The following MYO16 variants were observed in gnomAD, a reference collection of about 807,000 sequenced individuals.
MYO16 encodes the protein myosin XVI.
MYO16 carries 94 observed loss-of-function variants against 205.3 expected under a neutral mutation model. That is an observed-to-expected ratio of 0.46 (90% CI 0.39 to 0.54). The LOEUF is 0.54. MYO16 is among the 20% of genes least tolerant of loss of function. MYO16 has a pLI of 0.00. For missense variants in MYO16, 2,315 were observed against 2,387.5 expected (o/e 0.97, Z 0.63); for synonymous variants, 988 against 954.0 (o/e 1.04, Z -0.66).
rs186707533 is a variant in MYO16, at chr13:109,114,764, C to T, written c.3439-5606C>T. Among the ~76,000 whole-genome samples the T allele has an allele frequency of 9.9e-5, 15 of 152,238 alleles. No homozygotes were observed. The East Asian group carries it at 2.9e-3, about 29-fold the overall frequency. On this transcript the variant is annotated intron_variant, in intron 28 of 34. Transcript: ENST00000457511. ...TGTCCTTCTTCTGTCAAAGCAGAACCATGTGACCTGAGCTTTCTCCTTTAC... is the reference window on the plus strand; with the variant it reads ...TGTCCTTCTTCTGTCAAAGCAGAACTATGTGACCTGAGCTTTCTCCTTTAC...
intron 12 of MYO16, among the ~76,000 whole-genome samples, chr13:108,882,061 C>T (rs549878123): frequency 2.6e-5 from 4 of 152,244 alleles, no homozygotes; most frequent in African/African-American, 9.6e-5. Flanking sequence ...GTCAGTTTGC[C>T]CACAAAGAGA....
intron 16 of MYO16, among the ~76,000 whole-genome samples, chr13:108,916,649 C>A (rs1342632194): frequency 6.6e-6 from 1 of 152,054 alleles, no homozygotes; most frequent in Non-Finnish European, 1.5e-5. Context: ...CTTTTGTTAC[C>A]CTAGGTGGAC....
chr13:108,765,677 C>T (rs1199199609), intron 4 of MYO16, among the ~76,000 whole-genome samples: 1 of 152,214 alleles, frequency 6.6e-6, no homozygotes, highest in Admixed American at 6.5e-5. Context: ...CCATCCTCCC[C>T]TTTTCACCAT....
Position 108,876,482 on chromosome 13 carries a change from A to G in MYO16, c.1426-6577A>G, listed in dbSNP as rs725674. ...ACATATTGTTCTATAAACATAGGGT[A>G]AGTACCACTTCAACTTCAACCTACT... On this transcript the variant is annotated intron_variant, in intron 12 of 34. Transcript: ENST00000457511. 0.021 allele frequency among the ~76,000 whole-genome samples: 3,186 copies of G among 152,290 alleles called. 211 individuals carry two copies. In the East Asian group the frequency reaches 0.22, roughly 10 times the overall value.
chr13:109,007,836 C>T (rs1317161405), intron 21 of MYO16, among the ~76,000 whole-genome samples: 3 of 151,990 alleles, frequency 2.0e-5, no homozygotes, highest in Non-Finnish European at 2.9e-5. Context: ...AATGATTTGA[C>T]TGTTGATTAC....
chr13:109,141,159 G>A lies in MYO16; in HGVS notation c.4947G>A (p.Gly1649=). Residue 1649 remains glycine, a synonymous_variant, in exon 32 of 35, where the codon GGG becomes GGA. Coordinates refer to ENST00000457511, the MANE Select transcript of MYO16 (RefSeq NM_001198950.3). The surrounding 1 kb of genome is among the most constrained non-coding windows in gnomAD (Gnocchi z 4.1). ...HPKPNSAPVA[G]PCSSFPKIPY... is the part of the protein sequence containing the mutation. ...AGCCAAACTCTGCCCCCGTGGCCGG[G>A]CCCTGCAGCTCCTTCCCCAAGATCC... is the stretch of plus-strand genomic sequence containing the variant. 1.2e-6 allele frequency: 2 copies of A among 1,605,660 alleles called. No individual in the cohort carries two copies. Among genetic ancestry groups the A allele is most frequent in the Non-Finnish European group, 1.7e-6 (2 of 1,176,102 alleles).
intron 16 of MYO16, among the ~76,000 whole-genome samples, chr13:108,934,180 A>G (rs559297069): frequency 6.6e-6 from 1 of 152,336 alleles, no homozygotes; most frequent in South Asian, 2.1e-4. Context: ...ACTGCTTTCC[A>G]CAGTGGCTGA....
chr13:108,598,334 C>G (rs1317331432), intron 1 of MYO16, among the ~76,000 whole-genome samples: 2 of 147,176 alleles, frequency 1.4e-5, no homozygotes, highest in Non-Finnish European at 3.0e-5. Context: ...GACAGACAGA[C>G]AGAGAGACAA....
At chr13:108,519,075 A>G in the MYO16 span, among the ~76,000 whole-genome samples, 28 of 152,184 alleles carry the variant, frequency 1.8e-4, no homozygotes, top group African/African-American at 6.8e-4. Flanking sequence ...AAATAGAAAA[A>G]AAAAGAAATT....
chr13:108,950,433 T>C (rs1883099779), intron 16 of MYO16, among the ~76,000 whole-genome samples: 2 of 152,124 alleles, frequency 1.3e-5, no homozygotes, highest in South Asian at 2.1e-4. Context: ...CATAAGCATG[T>C]GGAAAGGTGT....
At chr13:108,812,836 A>G (rs553748649) in intron 7 of MYO16, among the ~76,000 whole-genome samples, 1 of 152,204 alleles carries the variant, frequency 6.6e-6, no homozygotes, top group South Asian at 2.1e-4. Flanking sequence ...CTTTTCCACC[A>G]TGTGAGGATA....
At chr13:108,585,376 G>T in the MYO16 span, among the ~76,000 whole-genome samples, 1 of 152,336 alleles carries the variant, frequency 6.6e-6, no homozygotes, top group East Asian at 1.9e-4. Context: ...CATTGATTGG[G>T]TTTGTCTAAA....
In MYO16 at chr13:109,207,124, T is replaced by C. The variant is rs138724902; in HGVS notation, c.*288T>C. ...GTAGCAAGAGAGAGGCTGGGAAAAG[T>C]GTGGACGTGGCCAGAGCGAGAGAGT... On this transcript the variant is annotated 3_prime_UTR_variant, in exon 35 of 35. Coordinates refer to ENST00000457511, the MANE Select transcript of MYO16 (RefSeq NM_001198950.3). The C allele has an allele frequency of 2.6e-6, 1 of 390,692 alleles. No homozygotes were observed. Among genetic ancestry groups the C allele is most frequent in the East Asian group, 5.1e-5 (1 of 19,442 alleles). The allele number at this position is 390,692 out of a possible 1,614,324, so 24.2% of individuals were successfully genotyped here.
upstream of MYO16, among the ~76,000 whole-genome samples, chr13:108,626,318 G>GA (rs1879733925): frequency 6.6e-6 from 1 of 152,124 alleles, no homozygotes; most frequent in African/African-American, 2.4e-5. Context: ...TAATAATACT[G>GA]AAAAATAATA....
the MYO16 span, among the ~76,000 whole-genome samples, chr13:108,539,352 G>A: frequency 6.6e-6 from 1 of 151,956 alleles, no homozygotes; most frequent in African/African-American, 2.4e-5. Flanking sequence ...CACTGGTATT[G>A]GTCAAATATC....
In MYO16 at chr13:109,140,328, GC is replaced by G; in HGVS notation, c.4119del (p.Lys1374SerfsTer36). On this transcript the variant is annotated frameshift_variant, in exon 32 of 35. Coordinates refer to ENST00000457511, the MANE Select transcript of MYO16 (RefSeq NM_001198950.3). LOFTEE classifies it high-confidence loss of function. This position sits in a 1 kb window ranked among gnomAD's most constrained non-coding sequence, Gnocchi z 8.0. ...STMKKIPPRK[P>X]KRSPNTKLSG... Reference sequence around the variant, plus strand: ...CCATGAAGAAGATTCCTCCTCGAAAGCCCAAGCGCAGCCCCAACACCAAGCT... The same window carrying G: ...CCATGAAGAAGATTCCTCCTCGAAAGCCAAGCGCAGCCCCAACACCAAGCT... 1 of 1,603,124 alleles carries G rather than the reference GC, an allele frequency of 6.2e-7. No homozygotes were observed.
intron 1 of MYO16, among the ~76,000 whole-genome samples, chr13:108,648,922 C>G (rs1474741446): frequency 6.6e-6 from 1 of 151,946 alleles, no homozygotes; most frequent in Non-Finnish European, 1.5e-5. Context: ...CTCTCTCTCT[C>G]TGCATCTCTT....
intron 27 of MYO16, chr13:109,065,641 T>C (rs1160935941): frequency 2.3e-6 from 1 of 443,330 alleles, no homozygotes; most frequent in Non-Finnish European, 4.3e-6. Flanking sequence ...CCCTGTATGC[T>C]TGTGGAATTC....
At chr13:108,821,513 T>C (rs558714905) in intron 8 of MYO16, among the ~76,000 whole-genome samples, 69 of 152,304 alleles carry the variant, frequency 4.5e-4, no homozygotes, top group African/African-American at 1.6e-3. Context: ...TATTTTCTTT[T>C]TAAAAACGTG....
Sources: gnomAD v4.1 joint callset for allele counts (sites outside exome capture counted in the v4.1 genomes callset) on GRCh38, gnomAD v4.1.1 for gene constraint, Gnocchi (gnomAD v3.1) non-coding constraint, MANE v1.5 for transcripts, NCBI Gene and HGNC (gene_info 2026-07-23, HGNC 2026-07-21) for gene names.